Variants in CALN1 observed in about 807,000 individuals in gnomAD.
CALN1 encodes calcium-binding protein 8.
CALN1 carries 17 observed loss-of-function variants against 30.6 expected under a neutral mutation model. The ratio of observed to expected loss-of-function variants is 0.56; its 90% confidence interval spans 0.38 to 0.83. The LOEUF is 0.83. Among genes scored for constraint, CALN1 ranks in the 40% least tolerant of loss-of-function variants. The probability of loss-of-function intolerance (pLI) is 0.00; values close to 1 mark genes in which losing one functional copy is unlikely to be tolerated. For synonymous variants in CALN1, 156 were observed against 131.4 expected, an observed-to-expected ratio of 1.19 and a Z score of -1.28; for missense variants, 291 against 354.9, an observed-to-expected ratio of 0.82 and a Z score of 1.45.
chr7:72,330,144 T>A (rs1484042259), intron 2 of CALN1, among the ~76,000 whole-genome samples: 3 of 151,466 alleles, frequency 2.0e-5, no homozygotes. Context: ...AATACAAAAT[T>A]TATCTGGGCG....
At chr7:71,966,965 G>A (rs60500596) in intron 5 of CALN1, among the ~76,000 whole-genome samples, 3,665 of 152,256 alleles carry the variant, frequency 0.024, 120 homozygotes, top group African/African-American at 0.081. Context: ...TCCTTGTTCA[G>A]CTTCCCCAGT....
At chr7:72,054,438 T>TATAC (rs1803064547) in intron 4 of CALN1, among the ~76,000 whole-genome samples, 3 of 48,944 alleles carry the variant, frequency 6.1e-5, no homozygotes, top group African/African-American at 2.5e-4. Flanking sequence ...TACACGTATA[T>TATAC]ATATATATAC....
intron 3 of CALN1, among the ~76,000 whole-genome samples, chr7:72,146,178 A>G (rs927872730): frequency 6.6e-6 from 1 of 152,192 alleles, no homozygotes; most frequent in Non-Finnish European, 1.5e-5. Flanking sequence ...GAGGAAGTCA[A>G]ATTGTCCCTC....
intron 3 of CALN1, among the ~76,000 whole-genome samples, chr7:72,205,104 T>C (rs1205884564): frequency 3.9e-5 from 6 of 152,140 alleles, no homozygotes; most frequent in African/African-American, 1.4e-4. Flanking sequence ...AAGTTGGGGA[T>C]TCTTCTCTGT....
chr7:72,173,021 A>G (rs905633688), intron 3 of CALN1, among the ~76,000 whole-genome samples: 7 of 152,180 alleles, frequency 4.6e-5, no homozygotes, highest in African/African-American at 1.7e-4. Context: ...AAATAAGTAA[A>G]ATGATCTCTT....
At chr7:71,946,367 C>CTT (rs34207419) in intron 5 of CALN1, among the ~76,000 whole-genome samples, 509 of 128,642 alleles carry the variant, frequency 4.0e-3, no homozygotes, top group Middle Eastern at 0.034. Context: ...TTCTTTCTTT[C>CTT]TTTTTTTTTT....
At chr7:72,110,656 CT>C (rs111431336) in intron 3 of CALN1, among the ~76,000 whole-genome samples, 4,041 of 139,666 alleles carry the variant, frequency 0.029, 161 homozygotes, top group African/African-American at 0.093. Context: ...ACCTCACTAA[CT>C]TTTTTTTTTT....
At chr7:71,909,484 A>G (rs1405259669) in intron 5 of CALN1, among the ~76,000 whole-genome samples, 1 of 152,182 alleles carries the variant, frequency 6.6e-6, no homozygotes, top group Non-Finnish European at 1.5e-5. Context: ...TCTGTACTTC[A>G]CATGGATTCC....
At chr7:72,295,322 T>C (rs750145256) in intron 2 of CALN1, among the ~76,000 whole-genome samples, 43 of 150,016 alleles carry the variant, frequency 2.9e-4, no homozygotes, top group Non-Finnish European at 5.7e-4. Context: ...AAAACAATAC[T>C]TATTTTTTTT....
chr7:72,280,466 A>G (rs1797661647), intron 2 of CALN1, among the ~76,000 whole-genome samples: 1 of 152,250 alleles, frequency 6.6e-6, no homozygotes, highest in African/African-American at 2.4e-5. Flanking sequence ...AGATGTTTCC[A>G]AATCTATCCT....
intron 3 of CALN1, among the ~76,000 whole-genome samples, chr7:72,170,218 T>C (rs1374238521): frequency 6.6e-6 from 1 of 152,204 alleles, no homozygotes; most frequent in African/African-American, 2.4e-5. Context: ...CCTAGCCTCA[T>C]GTGATCCTGC....
chr7:72,234,527 A>C (rs955060620), intron 3 of CALN1, among the ~76,000 whole-genome samples: 5 of 151,982 alleles, frequency 3.3e-5, no homozygotes, highest in African/African-American at 9.7e-5. Context: ...GCTCACTGCA[A>C]CCTCTGCCTC....
rs371623002 is a variant in CALN1, at chr7:71,944,494, T to C, written c.501+79163A>G. Among the ~76,000 whole-genome samples, 103 of 144,720 alleles carry C rather than the reference T, an allele frequency of 7.1e-4. 1 individual carries two copies. The highest frequency in any genetic ancestry group is 2.6e-3 in the African/African-American group (99 of 38,676). The allele number at this position is 144,720 out of a possible 152,430, so 94.9% of individuals were successfully genotyped here. ...CTGTAATCCCAGCTACTTGGGAGGCTGAGGCAGGAGAATCGCTTGAACCTG... is the reference window on the plus strand; with the variant it reads ...CTGTAATCCCAGCTACTTGGGAGGCCGAGGCAGGAGAATCGCTTGAACCTG... On this transcript the variant is annotated intron_variant, in intron 5 of 6. Coordinates refer to ENST00000395275, the MANE Select transcript of CALN1 (RefSeq NM_031468.4).
chr7:72,030,460 G>T (rs187927689), intron 4 of CALN1, among the ~76,000 whole-genome samples: 9 of 152,134 alleles, frequency 5.9e-5, no homozygotes, highest in Admixed American at 2.6e-4. Flanking sequence ...CTACAGAAAT[G>T]ACCTCTTTAC....
At chr7:72,059,489 T>G (rs1803499261) in intron 4 of CALN1, among the ~76,000 whole-genome samples, 1 of 152,184 alleles carries the variant, frequency 6.6e-6, no homozygotes, top group African/African-American at 2.4e-5. Context: ...AGTCAATACT[T>G]CAGGCTAAAT....
At chr7:72,264,456 A>G (rs1232518) in intron 3 of CALN1, among the ~76,000 whole-genome samples, 2,017 of 152,230 alleles carry the variant, frequency 0.013, 40 homozygotes, top group African/African-American at 0.046. Flanking sequence ...TGTAGATCCT[A>G]ATCTGCTACA....
chr7:72,341,759 G>A (rs1466853892), intron 2 of CALN1, among the ~76,000 whole-genome samples: 1 of 152,142 alleles, frequency 6.6e-6, no homozygotes, highest in Non-Finnish European at 1.5e-5. Context: ...ATTCCATAAG[G>A]CTTTGAGAAA....
chr7:72,296,660 G>A (rs1325847833), intron 2 of CALN1, among the ~76,000 whole-genome samples: 2 of 141,982 alleles, frequency 1.4e-5, no homozygotes, highest in Non-Finnish European at 3.1e-5. Flanking sequence ...AGAGGTGTTT[G>A]TAGTATTCTC....
rs114333930 is a variant in CALN1 at position 71,787,680 on chromosome 7, C to T, written c.*95G>A. On this transcript the variant is annotated 3_prime_UTR_variant, in exon 7 of 7. Coordinates refer to ENST00000395275, the MANE Select transcript of CALN1 (RefSeq NM_031468.4). ...TCCATCGTCCGCATCCATCCATAGT[C>T]CATAGGTCCGTGTCTGCTGTGTGGA... is the stretch of plus-strand genomic sequence containing the variant. 1.0e-3 allele frequency: 1,600 copies of T among 1,531,612 alleles called. 7 individuals carry two copies. In the African/African-American group the frequency reaches 0.017, roughly 16 times the overall value. 94.9% of individuals were successfully genotyped at this position (1,531,612 alleles called of 1,614,324 possible).
Sources: gnomAD v4.1 joint callset for allele counts (sites outside exome capture counted in the v4.1 genomes callset) on GRCh38, gnomAD v4.1.1 for gene constraint, MANE v1.5 for transcripts, NCBI Gene and HGNC (gene_info 2026-07-23, HGNC 2026-07-21) for gene names.